The following SPON1 variants were observed in gnomAD, a reference collection of about 807,000 sequenced individuals.
SPON1 encodes the protein spondin-1.
A neutral mutation model predicts 111.7 loss-of-function variants in SPON1; 52 were observed. The ratio of observed to expected loss-of-function variants is 0.47; its 90% CI spans 0.37 to 0.59. SPON1 has a LOEUF of 0.59. Among genes scored for constraint, SPON1 ranks in the 20% least tolerant of loss-of-function variants. SPON1 has a pLI of 0.00. For synonymous variants in SPON1, 410 were observed against 395.8 expected, an observed-to-expected ratio of 1.04 and a Z score of -0.43; for missense variants, 957 against 1,068.5, an observed-to-expected ratio of 0.90 and a Z score of 1.46.
At chr11:14,101,051 T>C (rs2133843544) in intron 5 of SPON1, among the ~76,000 whole-genome samples, 1 of 152,326 alleles carries the variant, frequency 6.6e-6, no homozygotes, top group African/African-American at 2.4e-5. Flanking sequence ...GCTGTCTCTT[T>C]GATGTTCTTT....
At chr11:14,025,480 G>A (rs1848510927) in intron 2 of SPON1, among the ~76,000 whole-genome samples, 3 of 152,326 alleles carry the variant, frequency 2.0e-5, no homozygotes, top group Admixed American at 1.3e-4. Context: ...CATCTTAAAT[G>A]TCCATCAAAA....
intron 2 of SPON1, among the ~76,000 whole-genome samples, chr11:14,039,985 C>A (rs906433720): frequency 6.6e-5 from 10 of 152,076 alleles, no homozygotes; most frequent in Non-Finnish European, 1.3e-4. Context: ...TTATAAGCAT[C>A]AGATTGGAAA....
chr11:14,161,398 A>C (rs913911110), intron 6 of SPON1, among the ~76,000 whole-genome samples: 12 of 149,064 alleles, frequency 8.1e-5, no homozygotes, highest in Non-Finnish European at 1.8e-4. Flanking sequence ...GGCTCACTGC[A>C]AACTCCACCT....
chr11:14,182,901 C>A (rs1470462684), intron 6 of SPON1, among the ~76,000 whole-genome samples: 1 of 152,120 alleles, frequency 6.6e-6, no homozygotes, highest in Admixed American at 6.5e-5. Context: ...GGCCACGACC[C>A]CAAATGAGCC....
chr11:14,069,867 C>A (rs1848861730), intron 3 of SPON1, among the ~76,000 whole-genome samples: 1 of 151,980 alleles, frequency 6.6e-6, no homozygotes, highest in Non-Finnish European at 1.5e-5. Context: ...TAGATAGAGT[C>A]TTGTAGATAG....
At chr11:13,965,119 A>G (rs1022499972) in intron 1 of SPON1, among the ~76,000 whole-genome samples, 1 of 152,140 alleles carries the variant, frequency 6.6e-6, no homozygotes, top group African/African-American at 2.4e-5. Flanking sequence ...TGGTTTACTA[A>G]TGGAGGTAGG....
intron 6 of SPON1, among the ~76,000 whole-genome samples, chr11:14,191,917 A>G (rs1177647579): frequency 1.3e-5 from 2 of 152,118 alleles, no homozygotes; most frequent in Admixed American, 1.3e-4. Context: ...CAAACACCAA[A>G]TGCCAGCCAG....
At chr11:14,084,932 C>T (rs1848993523) in intron 5 of SPON1, among the ~76,000 whole-genome samples, 1 of 152,180 alleles carries the variant, frequency 6.6e-6, no homozygotes, top group Non-Finnish European at 1.5e-5. Context: ...TGTTTGTTGG[C>T]CACATAAATG....
intron 5 of SPON1, among the ~76,000 whole-genome samples, chr11:14,086,169 C>T (rs1342473199): frequency 6.6e-6 from 1 of 152,134 alleles, no homozygotes; most frequent in Non-Finnish European, 1.5e-5. Context: ...CTGGTCAGAA[C>T]TTCCAATAGT....
intron 6 of SPON1, among the ~76,000 whole-genome samples, chr11:14,242,442 G>C (rs533170172): frequency 7.2e-5 from 11 of 152,276 alleles, no homozygotes; most frequent in African/African-American, 2.6e-4. Context: ...TCTGAGCACT[G>C]CTGGGCCCAG....
intron 2 of SPON1, among the ~76,000 whole-genome samples, chr11:14,020,611 A>G (rs1554914714): frequency 6.6e-6 from 1 of 152,226 alleles, no homozygotes; most frequent in Non-Finnish European, 1.5e-5. Context: ...TGATGTAAGT[A>G]CGAGGATGTT....
chr11:14,040,591 T>G (rs1848624547), intron 2 of SPON1, among the ~76,000 whole-genome samples: 2 of 152,196 alleles, frequency 1.3e-5, no homozygotes, highest in African/African-American at 4.8e-5. Context: ...TTTTGTCTGT[T>G]GTCCTAAAAA....
chr11:14,059,722 G>C (rs1051992285), intron 3 of SPON1, among the ~76,000 whole-genome samples: 1 of 152,192 alleles, frequency 6.6e-6, no homozygotes, highest in Non-Finnish European at 1.5e-5. Context: ...GTGGGAGGGA[G>C]GGAAGAGCAA....
At chr11:14,159,270 T>G (rs1554930683) in intron 6 of SPON1, among the ~76,000 whole-genome samples, 1 of 152,082 alleles carries the variant, frequency 6.6e-6, no homozygotes, top group African/African-American at 2.4e-5. Context: ...GGAAAGAAAT[T>G]ACGGGAAAGG....
intron 5 of SPON1, among the ~76,000 whole-genome samples, chr11:14,102,466 TAAC>T (rs2133844262): frequency 6.6e-6 from 1 of 152,322 alleles, no homozygotes; most frequent in East Asian, 1.9e-4. Flanking sequence ...TTTTTACACT[TAAC>T]AGCACGTCTC....
intron 5 of SPON1, among the ~76,000 whole-genome samples, chr11:14,087,539 T>C (rs1439816555): frequency 6.6e-6 from 1 of 152,206 alleles, no homozygotes; most frequent in Non-Finnish European, 1.5e-5. Flanking sequence ...TTCTTTTGCA[T>C]TTTCTGAGGA....
At position 14,173,254 on chromosome 11, in the gene SPON1, C is replaced by T. The variant is rs543212048; in HGVS notation, c.825+37686C>T. ...TCATTTCATTCATTTCGTCTTCCAT[C>T]GCTGATACCCTTTCTTCCAGTTGAT... On this transcript the variant is annotated intron_variant, in intron 6 of 15. Coordinates refer to ENST00000576479, the MANE Select transcript of SPON1 (RefSeq NM_006108.4). Among the ~76,000 whole-genome samples the T allele has an allele frequency of 2.4e-3, 368 of 152,216 alleles. 3 individuals are homozygous for T. The highest frequency in any genetic ancestry group is 7.9e-3 in the African/African-American group (330 of 41,524).
At chr11:14,169,349 T>TTTTG (rs1408705473) in intron 6 of SPON1, among the ~76,000 whole-genome samples, 4 of 150,734 alleles carry the variant, frequency 2.7e-5, no homozygotes, top group East Asian at 1.9e-4. Context: ...TGATGGGGTT[T>TTTTG]TTTTTTTCTT....
intron 2 of SPON1, among the ~76,000 whole-genome samples, chr11:14,005,370 C>T (rs575270799): frequency 1.3e-5 from 2 of 152,302 alleles, no homozygotes; most frequent in South Asian, 2.1e-4. Flanking sequence ...TTGAGATCTG[C>T]TTCTCTAAAT....
Sources: allele counts gnomAD v4.1 joint callset (sites outside exome capture counted in the v4.1 genomes callset), GRCh38; gene constraint gnomAD v4.1.1; transcripts MANE v1.5; gene names NCBI Gene and HGNC (gene_info 2026-07-23, HGNC 2026-07-21).